The following MGLL variants were observed in gnomAD, a reference collection of about 807,000 sequenced individuals.
MGLL encodes monoglyceride lipase, also known as lysophospholipase homolog.
MGLL carries 7 observed loss-of-function variants against 29.1 expected under a neutral mutation model. The ratio of observed to expected loss-of-function variants is 0.24; its 90% CI spans 0.14 to 0.45. The LOEUF (loss-of-function observed/expected upper bound fraction) is 0.45, where lower values mean the gene tolerates loss of function less well. Among genes scored for constraint, MGLL ranks in the 20% least tolerant of loss-of-function variants. MGLL has a pLI of 0.99. For missense variants in MGLL, 356 were observed against 413.6 expected, an observed-to-expected ratio of 0.86 and a Z score of 1.21; for synonymous variants, 148 against 168.3, an observed-to-expected ratio of 0.88 and a Z score of 0.93.
chr3:127,694,827 T>C (rs1576465932), intron 7 of MGLL, 148 bp downstream of exon 7: 1 of 704,146 alleles, frequency 1.4e-6, no homozygotes, highest in Non-Finnish European at 2.5e-6. Flanking sequence ...ATTCCTTTTA[T>C]TTATTTATTT....
At chr3:127,698,122 C>T (rs1422420521) in intron 6 of MGLL, among the ~76,000 whole-genome samples, 1 of 152,216 alleles carries the variant, frequency 6.6e-6, no homozygotes, top group African/African-American at 2.4e-5. Context: ...CCTGTTTACA[C>T]AATGGCCTAT....
At chr3:127,767,051 T>C (rs182636306) in intron 3 of MGLL, among the ~76,000 whole-genome samples, 12 of 149,778 alleles carry the variant, frequency 8.0e-5, no homozygotes, top group Non-Finnish European at 8.9e-5. Flanking sequence ...CCAGCCCGAG[T>C]GATGGAGTGA....
chr3:127,768,440 A>T (rs537391486), intron 3 of MGLL, among the ~76,000 whole-genome samples: 2 of 152,328 alleles, frequency 1.3e-5, no homozygotes, highest in African/African-American at 4.8e-5. Context: ...TAACCATCAC[A>T]CCACACTGCC....
At chr3:127,756,672 C>G (rs2076670485) in intron 3 of MGLL, among the ~76,000 whole-genome samples, 1 of 152,200 alleles carries the variant, frequency 6.6e-6, no homozygotes. Flanking sequence ...CAAACACAGG[C>G]CTGGCCTATC....
At chr3:127,726,303 G>A (rs1414226652) in intron 3 of MGLL, among the ~76,000 whole-genome samples, 1 of 126,116 alleles carries the variant, frequency 7.9e-6, no homozygotes, top group Admixed American at 8.4e-5. Context: ...AGGGAGGGAG[G>A]GAGGGAGAGA....
intron 3 of MGLL, among the ~76,000 whole-genome samples, chr3:127,757,805 T>C (rs1318235984): frequency 1.3e-5 from 2 of 152,146 alleles, no homozygotes; most frequent in African/African-American, 4.8e-5. Context: ...GACCCAGATG[T>C]GTTCAGCCAC....
In MGLL at chr3:127,781,841, C is replaced by A. The variant is rs766837613; in HGVS notation, c.210G>T (p.Glu70Asp). The change falls in exon 3 of 8, where the codon GAG becomes GAT. Residue 70 changes from glutamate to aspartate, a missense_variant. Glu to Asp is a conservative substitution (Grantham distance 45). Transcript: ENST00000265052. ...CCAGCCCCATCAGCATCCGAGCCAG[C>A]TCTTCATAGCGGCCACTGTGCTCTC... ...GAGEHSGRYEELARMLMGLDL... is the reference protein window; with the variant it reads ...GAGEHSGRYEDLARMLMGLDL... 1 of 1,614,016 alleles carries A rather than the reference C, an allele frequency of 6.2e-7. No individual in the cohort carries two copies.
intron 3 of MGLL, among the ~76,000 whole-genome samples, chr3:127,758,925 C>T (rs1242629227): frequency 6.0e-5 from 6 of 100,828 alleles, no homozygotes; most frequent in Non-Finnish European, 1.1e-4. Context: ...CTTTTCTTTT[C>T]TTTTTTTTTT....
chr3:127,736,486 G>T, intron 3 of MGLL: 1 of 363,734 alleles, frequency 2.7e-6, no homozygotes, highest in Non-Finnish European at 3.8e-6. Flanking sequence ...TCAGCTTCAT[G>T]CATCCCTGCC....
At chr3:127,751,593 A>T (rs4974448) in intron 3 of MGLL, among the ~76,000 whole-genome samples, 1 of 151,314 alleles carries the variant, frequency 6.6e-6, no homozygotes, top group Non-Finnish European at 1.5e-5. Flanking sequence ...ATGAGAGAAC[A>T]GCCCAGCTGA....
intron 3 of MGLL, chr3:127,735,732 G>C (rs1343785298): frequency 1.9e-6 from 3 of 1,598,052 alleles, no homozygotes; most frequent in South Asian, 2.2e-5. Context: ...TCCAGCACGT[G>C]CTCGCTCCCC....
rs571020872 is a variant in MGLL at position 127,775,594 on chromosome 3, A to AC, written c.262+6194_262+6195insG. Among the ~76,000 whole-genome samples, 455 of 152,324 alleles carry AC rather than the reference A, an allele frequency of 3.0e-3. 2 individuals carry two copies. Among genetic ancestry groups the AC allele is most frequent in the Middle Eastern group, 6.8e-3 (2 of 294 alleles). On this transcript the variant is annotated intron_variant, in intron 3 of 7. Transcript: ENST00000265052. ...ACATGCCCCAGCTGAGTTAAAAAAAAACACACACACAAAGCCCTCTTTAAC... is the reference window on the plus strand; with the variant it reads ...ACATGCCCCAGCTGAGTTAAAAAAAACACACACACACAAAGCCCTCTTTAAC...
At chr3:127,715,545 T>C (rs1352245237) in intron 5 of MGLL, 1 of 382,560 alleles carries the variant, frequency 2.6e-6, no homozygotes, top group East Asian at 7.3e-5. Context: ...CTTTCCCTGC[T>C]GCTCTTTTAA....
chr3:127,743,816 G>A (rs1158429744), intron 3 of MGLL, among the ~76,000 whole-genome samples: 1 of 152,098 alleles, frequency 6.6e-6, no homozygotes, highest in Non-Finnish European at 1.5e-5. Context: ...TTGTTGGCCT[G>A]GAAAACAGTT....
At chr3:127,762,059 G>A (rs966029011) in intron 3 of MGLL, among the ~76,000 whole-genome samples, 2 of 151,964 alleles carry the variant, frequency 1.3e-5, no homozygotes, top group Non-Finnish European at 2.9e-5. Context: ...TGAAAATGAC[G>A]ATGGCTTTAC....
At position 127,783,105 on chromosome 3, in the gene MGLL, C is replaced by T. The variant is rs572494870; in HGVS notation, c.156-1210G>A. 4.9e-5 allele frequency among the ~76,000 whole-genome samples: 6 copies of T among 122,894 alleles called. No homozygotes were observed. In the East Asian group the frequency reaches 1.3e-3, roughly 27 times the overall value. The allele number at this position is 122,894 out of a possible 152,430, so 80.6% of individuals were successfully genotyped here. ...TTGCAGTTGAGCCAAGATTGTGCCA[C>T]TGCACTCCAGCTTGGGTGACAGAGT... On this transcript the variant is annotated intron_variant, in intron 2 of 7. Transcript: ENST00000265052.
chr3:127,798,991 C>G (rs2077431797), intron 2 of MGLL, among the ~76,000 whole-genome samples: 1 of 152,190 alleles, frequency 6.6e-6, no homozygotes, highest in Non-Finnish European at 1.5e-5. Flanking sequence ...CAGCTGGATT[C>G]CCACGATGAA....
chr3:127,784,467 G>T (rs1203073953), intron 2 of MGLL, among the ~76,000 whole-genome samples: 1 of 152,152 alleles, frequency 6.6e-6, no homozygotes, highest in East Asian at 1.9e-4. Context: ...CAACCTTAGG[G>T]CCACCAATCT....
chr3:127,710,623 A>G lies in MGLL; in HGVS notation c.553T>C (p.Ser185Pro). The G allele has an allele frequency of 6.4e-7, 1 of 1,574,584 alleles. No individual in the cohort carries two copies. Among genetic ancestry groups the G allele is most frequent in the Non-Finnish European group, 8.6e-7 (1 of 1,159,020 alleles). Residue 185 changes from serine to proline, a missense_variant, in exon 6 of 8, where the codon TCC (serine) becomes CCC (proline). By Grantham distance (74) the Ser-to-Pro change is moderately conservative. Coordinates refer to ENST00000265052, the MANE Select transcript of MGLL (RefSeq NM_007283.7). ...KVLNLVLPNL[S>P]LGPIDSSVLS... ...ACGCTGGAGTCGATGGGCCCGAGGG[A>G]CAAGTTTGGCAGCACAAGGTTGAGC...
Sources: allele counts gnomAD v4.1 joint callset (sites outside exome capture counted in the v4.1 genomes callset), GRCh38; gene constraint gnomAD v4.1.1; transcripts MANE v1.5; gene names NCBI Gene and HGNC (gene_info 2026-07-23, HGNC 2026-07-21).